MALRD1: variants seen among roughly 807,000 people sequenced by gnomAD.
The protein encoded by MALRD1 is MAM and LDL-receptor class A domain-containing protein 1.
MALRD1 carries 247 observed loss-of-function variants against 242.1 expected under a neutral mutation model. The observed-to-expected ratio is 1.02, with a 90% CI of 0.92 to 1.13. MALRD1 has a LOEUF of 1.13. Among genes scored for constraint, MALRD1 ranks in the 50% most tolerant of loss-of-function variants. MALRD1 has a pLI of 0.00. For synonymous variants in MALRD1, 995 were observed against 866.6 expected, an observed-to-expected ratio of 1.15 and a Z score of -2.60; for missense variants, 2,989 against 2,533.1, an observed-to-expected ratio of 1.18 and a Z score of -3.86.
intron 28 of MALRD1, among the ~76,000 whole-genome samples, chr10:19,439,738 G>A (rs1204902546): frequency 6.6e-6 from 1 of 151,814 alleles, no homozygotes; most frequent in Non-Finnish European, 1.5e-5. Flanking sequence ...TATAATATGT[G>A]GACTATTGTT....
rs11405183 is a variant in MALRD1 at position 19,388,881 on chromosome 10, G to GAAAAAAAAA, written c.4688-561_4688-553dup. The stretch of plus-strand genomic sequence containing the variant: ...AATATTGAAATTCCATAGGTCTACT[G>GAAAAAAAAA]AAAAAAAAAAAAAAAAAAGAAAAAC... On this transcript the variant is annotated intron_variant, in intron 27 of 39. Transcript: ENST00000454679. Among the ~76,000 whole-genome samples the GAAAAAAAAA allele has an allele frequency of 4.3e-4, 50 of 116,986 alleles. 2 individuals are homozygous for GAAAAAAAAA. The highest frequency in any genetic ancestry group is 7.0e-4 in the East Asian group (3 of 4,310). The allele number at this position is 116,986 out of a possible 152,430, so 76.7% of individuals were successfully genotyped here.
intron 33 of MALRD1, among the ~76,000 whole-genome samples, chr10:19,582,023 T>C (rs1296324262): frequency 6.6e-6 from 1 of 152,242 alleles, no homozygotes; most frequent in Non-Finnish European, 1.5e-5. Context: ...ATGCCTTCTT[T>C]TGAGAAGTGT....
At chr10:19,667,609 CTCTCTT>C (rs1841730247) in intron 36 of MALRD1, among the ~76,000 whole-genome samples, 1 of 150,590 alleles carries the variant, frequency 6.6e-6, no homozygotes, top group African/African-American at 2.5e-5. Flanking sequence ...CTCTCTCTCT[CTCTCTT>C]GCTTACCACT....
chr10:19,668,594 T>C (rs957571139), intron 36 of MALRD1, among the ~76,000 whole-genome samples: 1 of 152,068 alleles, frequency 6.6e-6, no homozygotes, highest in Non-Finnish European at 1.5e-5. Flanking sequence ...AGAAGTGACA[T>C]AGAGAGCTGA....
chr10:19,282,675 A>G (rs1227213603), intron 20 of MALRD1, among the ~76,000 whole-genome samples: 1 of 152,206 alleles, frequency 6.6e-6, no homozygotes, highest in Non-Finnish European at 1.5e-5. Flanking sequence ...TGAGAAAAGA[A>G]CAGACTTGTC....
chr10:19,541,958 T>A (rs991095158), intron 32 of MALRD1, among the ~76,000 whole-genome samples: 4 of 152,168 alleles, frequency 2.6e-5, no homozygotes, highest in African/African-American at 9.7e-5. Flanking sequence ...GAAGGTCCTT[T>A]GCACAAAATG....
intron 21 of MALRD1, among the ~76,000 whole-genome samples, chr10:19,303,614 T>G (rs946881962): frequency 6.6e-6 from 1 of 151,780 alleles, no homozygotes; most frequent in Non-Finnish European, 1.5e-5. Context: ...AATTTTCTAG[T>G]AGCCACAACA....
chr10:19,281,001 A>G (rs890953522), intron 20 of MALRD1, among the ~76,000 whole-genome samples: 3 of 152,234 alleles, frequency 2.0e-5, no homozygotes, highest in African/African-American at 7.2e-5. Context: ...ACACAGAGAG[A>G]GTAGTGAAAC....
chr10:19,391,610 G>A (rs1846339532), intron 28 of MALRD1, among the ~76,000 whole-genome samples: 1 of 152,116 alleles, frequency 6.6e-6, no homozygotes, highest in Admixed American at 6.5e-5. Flanking sequence ...CCCCTTCTGT[G>A]TTTTCTGGCT....
chr10:19,314,545 T>A (rs541399296), intron 21 of MALRD1, among the ~76,000 whole-genome samples: 1 of 151,690 alleles, frequency 6.6e-6, no homozygotes, highest in African/African-American at 2.4e-5. Flanking sequence ...TTATGTAAAT[T>A]TGAAGGTAGA....
At chr10:19,473,538 T>C (rs997844) in intron 29 of MALRD1, among the ~76,000 whole-genome samples, 35,798 of 152,006 alleles carry the variant, frequency 0.24, 5,180 homozygotes, top group East Asian at 0.4. Flanking sequence ...TGAATTTTTC[T>C]ACTCTGGGTG....
intron 28 of MALRD1, among the ~76,000 whole-genome samples, chr10:19,414,047 CA>C (rs57920650): frequency 0.022 from 3,099 of 138,108 alleles, 97 homozygotes; most frequent in African/African-American, 0.076. Context: ...TTCCAAAAAA[CA>C]AAAAAAAAAA....
chr10:19,344,571 C>CA (rs1260327038), intron 24 of MALRD1, among the ~76,000 whole-genome samples: 2 of 152,040 alleles, frequency 1.3e-5, no homozygotes, highest in African/African-American at 4.8e-5. Context: ...ATCTTGAAAT[C>CA]AGTTAGATTA....
At chr10:19,482,582 T>C (rs967168573) in intron 29 of MALRD1, among the ~76,000 whole-genome samples, 7 of 150,598 alleles carry the variant, frequency 4.6e-5, no homozygotes, top group Non-Finnish European at 7.4e-5. Context: ...CAAAAAATAG[T>C]AGCATTTCTA....
intron 18 of MALRD1, among the ~76,000 whole-genome samples, chr10:19,250,313 G>C (rs1429215685): frequency 6.6e-6 from 1 of 151,750 alleles, no homozygotes; most frequent in African/African-American, 2.4e-5. Context: ...ATATCAACCA[G>C]ACTTTTTTCA....
chr10:19,594,425 T>C (rs1047967593), intron 33 of MALRD1, among the ~76,000 whole-genome samples: 8 of 152,176 alleles, frequency 5.3e-5, no homozygotes, highest in African/African-American at 1.9e-4. Context: ...GAAAATAGTA[T>C]GGAGATGCCT....
At chr10:19,488,330 A>C (rs2131204715) in intron 29 of MALRD1, among the ~76,000 whole-genome samples, 1 of 152,324 alleles carries the variant, frequency 6.6e-6, no homozygotes, top group African/African-American at 2.4e-5. Flanking sequence ...GAACACGATA[A>C]GAACTTCTGG....
Position 19,049,085 on chromosome 10 carries a change from C to A in MALRD1, c.147C>A (p.Asp49Glu). The stretch of plus-strand genomic sequence containing the variant: ...ACAATGGAGTCTCCTTGCCTCCTGA[C>A]AGCATTTGTGACTTCACAGATCAGT... ...QCDNGVSLPPDSICDFTDQCG... is the reference protein window; with the variant it reads ...QCDNGVSLPPESICDFTDQCG... The change falls in exon 1 of 40, where the codon GAC becomes GAA. Residue 49 changes from aspartate (D) to glutamate (E), a missense_variant. Asp to Glu is a conservative substitution (Grantham distance 45, BLOSUM62 2). Coordinates refer to ENST00000454679, the MANE Select transcript of MALRD1 (RefSeq NM_001142308.3). 2 of 1,233,910 alleles carry A rather than the reference C, an allele frequency of 1.6e-6. No homozygotes were observed. Among genetic ancestry groups the A allele is most frequent in the Non-Finnish European group, 2.0e-6 (2 of 988,146 alleles). The allele number at this position is 1,233,910 out of a possible 1,614,324, so 76.4% of individuals were successfully genotyped here.
At chr10:19,662,061 C>T (rs758203311) in intron 36 of MALRD1, among the ~76,000 whole-genome samples, 1 of 151,956 alleles carries the variant, frequency 6.6e-6, no homozygotes, top group Non-Finnish European at 1.5e-5. Context: ...AAACAAGTAG[C>T]ATCTGTTAAT....
Sources: gnomAD v4.1 joint callset for allele counts (sites outside exome capture counted in the v4.1 genomes callset) on GRCh38, gnomAD v4.1.1 for gene constraint, MANE v1.5 for transcripts, NCBI Gene and HGNC (gene_info 2026-07-23, HGNC 2026-07-21) for gene names.